Variants in RNF44 observed in about 807,000 individuals in gnomAD.
The protein encoded by RNF44 is ring finger protein 44.
Under a neutral mutation model 53.6 loss-of-function variants are expected in RNF44, and 25 were observed. The observed-to-expected ratio is 0.47, with a 90% CI of 0.34 to 0.65. RNF44 has a LOEUF of 0.65. Ranked by LOEUF, RNF44 falls within the 30% of genes least tolerant of loss-of-function variation. The pLI, the probability that RNF44 is intolerant of heterozygous loss-of-function variation, is 0.01. For synonymous variants in RNF44, 282 were observed against 252.2 expected, an observed-to-expected ratio of 1.12 and a Z score of -1.12; for missense variants, 581 against 595.5, an observed-to-expected ratio of 0.98 and a Z score of 0.25.
upstream of RNF44, among the ~76,000 whole-genome samples, chr5:176,539,455 C>T (rs1757395079): frequency 1.3e-5 from 2 of 152,140 alleles, no homozygotes; most frequent in Admixed American, 6.5e-5. Context: ...TTTGGGAGAT[C>T]CAGGCGGGCA....
chr5:176,532,955 T>G (rs1010903833), intron 1 of RNF44, among the ~76,000 whole-genome samples: 20 of 152,070 alleles, frequency 1.3e-4, no homozygotes, highest in Non-Finnish European at 2.4e-4. Context: ...ACCCTCCTGC[T>G]GTGTGAAATG....
chr5:176,530,084 G>C lies in RNF44; in HGVS notation c.924C>G (p.Phe308Leu). 1.6e-6 allele frequency: 2 copies of C among 1,216,262 alleles called. No homozygotes were observed. Among genetic ancestry groups the C allele is most frequent in the Non-Finnish European group, 2.1e-6 (2 of 963,088 alleles). 75.3% of individuals were successfully genotyped at this position (1,216,262 alleles called of 1,614,324 possible). A position where few individuals can be genotyped will look rare whatever the true frequency, so the allele number is the denominator to read the frequency against. The change falls in exon 7 of 11, where the codon TTC (phenylalanine) becomes TTG (leucine). Residue 308 changes from phenylalanine (F) to leucine (L), a missense_variant and splice_region_variant. This residue lies in a region of RNF44 where 183 missense variants were observed against 198.6 expected (regional missense o/e 0.92). Transcript: ENST00000274811. The part of the protein sequence containing the change: ...PPYYPSFLPY[F>L]LSMLPMSPTA... ...GGGGCGGATGTGCGGATACTTACAG[G>C]AAGTAGGGCAGGAAGCTGGGGTAGT...
chr5:176,543,071 G>T, the RNF44 span, among the ~76,000 whole-genome samples: 2 of 151,826 alleles, frequency 1.3e-5, no homozygotes, highest in African/African-American at 4.8e-5. The surrounding 1 kb of genome is among the most constrained non-coding windows in gnomAD (Gnocchi z 4.0). Context: ...CCTAGCGGAC[G>T]GGGAGAAGAG....
upstream of RNF44, chr5:176,538,114 C>CG (rs1464093456): frequency 3.1e-4 from 47 of 152,158 alleles, 1 homozygote; most frequent in Non-Finnish European, 1.9e-4. Context: ...GGAAGAGAGG[C>CG]GGGGAACAGG....
chr5:176,531,713 T>C lies in RNF44; in HGVS notation c.298-83A>G. On this transcript the variant is annotated intron_variant, in intron 3 of 10. Coordinates refer to ENST00000274811, the MANE Select transcript of RNF44 (RefSeq NM_014901.5). The surrounding 1 kb of genome is among the most constrained non-coding windows in gnomAD (Gnocchi z 4.2). ...TCTCAGGAGAAATCATCCTGCCACA[T>C]CCAGCTGCCGGCTCCCTTCCCTTCT... The C allele has an allele frequency of 1.4e-6, 2 of 1,385,214 alleles. No individual in the cohort carries two copies. Among genetic ancestry groups the C allele is most frequent in the South Asian group, 2.8e-5 (2 of 72,578 alleles). The allele number at this position is 1,385,214 out of a possible 1,614,324, so 85.8% of individuals were successfully genotyped here.
At chr5:176,536,263 C>T (rs1757162709) in intron 1 of RNF44, 1 of 152,266 alleles carries the variant, frequency 6.6e-6, no homozygotes, top group African/African-American at 2.4e-5. Context: ...CAAGGAAATC[C>T]CTTTGCTTCT....
At chr5:176,536,484 T>C (rs1431766627) in intron 1 of RNF44, among the ~76,000 whole-genome samples, 1 of 151,940 alleles carries the variant, frequency 6.6e-6, no homozygotes, top group Non-Finnish European at 1.5e-5. Flanking sequence ...TCCCCAGGCA[T>C]AGTGCTGGGG....
Position 176,530,900 on chromosome 5 carries a change from TGGGTGGGCTGGGG to T in RNF44, c.574_586del (p.Pro192ThrfsTer77). 3.1e-5 allele frequency: 3 copies of T among 96,156 alleles called. No individual in the cohort carries two copies. The highest frequency in any genetic ancestry group is 5.6e-5 in the Non-Finnish European group (3 of 53,190). 6.0% of individuals were successfully genotyped at this position (96,156 alleles called of 1,614,324 possible). ...CACAAACTGCCCCAGGGGCGCCATG[TGGGTGGGCTGGGG>T]GGGTGGGGCCGGTGGTGGGGGGTGC... On this transcript the variant is annotated frameshift_variant, in exon 5 of 11. Coordinates refer to ENST00000274811, the MANE Select transcript of RNF44 (RefSeq NM_014901.5). LOFTEE classifies it high-confidence loss of function.
chr5:176,529,454 C>A, intron 9 of RNF44, 67 bp from the exon 10 acceptor site: 2 of 1,606,944 alleles, frequency 1.2e-6, no homozygotes, highest in East Asian at 4.5e-5. Flanking sequence ...GAGTGTGACT[C>A]CCCTGAGAGG....
In RNF44 at chr5:176,527,096, C is replaced by T. The variant is rs1173455177; in HGVS notation, c.*1932G>A. On this transcript the variant is annotated 3_prime_UTR_variant, in exon 11 of 11. Coordinates refer to ENST00000274811, the MANE Select transcript of RNF44 (RefSeq NM_014901.5). ...TATGTAATTTTATATATATATAAAA[C>T]CTTTCTAACACAGAACACAGGCGCT... is the stretch of plus-strand genomic sequence containing the variant. The T allele has an allele frequency of 1.3e-5, 2 of 152,088 alleles. No individual in the cohort carries two copies. Among genetic ancestry groups the T allele is most frequent in the Non-Finnish European group, 2.9e-5 (2 of 68,002 alleles). The allele number at this position is 152,088 out of a possible 1,614,324, so 9.4% of individuals were successfully genotyped here.
upstream of RNF44, among the ~76,000 whole-genome samples, chr5:176,541,202 G>T (rs554434059): frequency 5.5e-4 from 84 of 152,284 alleles, no homozygotes; most frequent in African/African-American, 1.9e-3. Context: ...GGGGAAATGG[G>T]GGTCCTAGAG....
In RNF44 at chr5:176,531,386, G is replaced by T; in HGVS notation, c.465+77C>A. On this transcript the variant is annotated intron_variant, in intron 4 of 10. Coordinates refer to ENST00000274811, the MANE Select transcript of RNF44 (RefSeq NM_014901.5). This position sits in a 1 kb window ranked among gnomAD's most constrained non-coding sequence, Gnocchi z 4.2. ...GGATAGCTCAGCCCAGTTCAGGGCT[G>T]CCCTGGGCCCGCTGAGCCGCTGGCC... 1 of 1,431,638 alleles carries T rather than the reference G, an allele frequency of 7.0e-7. No homozygotes were observed. The allele number at this position is 1,431,638 out of a possible 1,614,324, so 88.7% of individuals were successfully genotyped here.
At chr5:176,534,799 G>A (rs1245326210) in intron 1 of RNF44, among the ~76,000 whole-genome samples, 2 of 152,234 alleles carry the variant, frequency 1.3e-5, no homozygotes, top group Non-Finnish European at 2.9e-5. Context: ...GGCTCAGAGA[G>A]GTGAGGTCCA....
At chr5:176,533,096 C>T (rs931728420) in intron 1 of RNF44, among the ~76,000 whole-genome samples, 1 of 152,196 alleles carries the variant, frequency 6.6e-6, no homozygotes, top group Non-Finnish European at 1.5e-5. Context: ...TAGGGCCAGA[C>T]CTTTCTCTGC....
At chr5:176,530,508 C>G (rs979783925) in intron 6 of RNF44, 74 bp downstream of exon 6, 52 of 1,341,576 alleles carry the variant, frequency 3.9e-5, no homozygotes, top group Non-Finnish European at 4.9e-5. Flanking sequence ...CCTGGGAGCC[C>G]AGATGCAGGT....
At chr5:176,529,237 C>T (rs771284845) in intron 10 of RNF44, 51 bp downstream of exon 10, 4 of 1,564,916 alleles carry the variant, frequency 2.6e-6, no homozygotes, top group South Asian at 2.2e-5. Flanking sequence ...GCCAGCCCAT[C>T]CCCCCGTCAC....
In RNF44 at chr5:176,532,499, G is replaced by A. The variant is rs560638499; in HGVS notation, c.-27C>T. The A allele has an allele frequency of 4.4e-5, 68 of 1,537,154 alleles. No individual in the cohort carries two copies. The African/African-American group carries it at 8.9e-4, about 20-fold the overall frequency. The stretch of plus-strand genomic sequence containing the variant: ...GGGGGGGCAGGGGGGTGGAGGGGCT[G>A]GGCCGGGACTCACAACCCTAGGAGG... On this transcript the variant is annotated 5_prime_UTR_variant, in exon 2 of 11. Coordinates refer to ENST00000274811, the MANE Select transcript of RNF44 (RefSeq NM_014901.5).
Position 176,528,927 on chromosome 5 carries a change from AG to A in RNF44, c.*100del. The A allele has an allele frequency of 8.9e-7, 1 of 1,122,872 alleles. No homozygotes were observed. The allele number at this position is 1,122,872 out of a possible 1,614,324, so 69.6% of individuals were successfully genotyped here. On this transcript the variant is annotated 3_prime_UTR_variant, in exon 11 of 11. Coordinates refer to ENST00000274811, the MANE Select transcript of RNF44 (RefSeq NM_014901.5). ...GCTCTGGAAATGCAGGCAGGAGCGA[AG>A]GGGCAGGCCTGGGCCACTCCCTCCC...
In RNF44 at chr5:176,527,479, C is replaced by T. The variant is rs1253758701; in HGVS notation, c.*1549G>A. 1.3e-5 allele frequency: 2 copies of T among 152,456 alleles called. No homozygotes were observed. The highest frequency in any genetic ancestry group is 2.9e-5 in the Non-Finnish European group (2 of 68,028). The allele number at this position is 152,456 out of a possible 1,614,324, so 9.4% of individuals were successfully genotyped here. On this transcript the variant is annotated 3_prime_UTR_variant, in exon 11 of 11. Transcript: ENST00000274811. The stretch of plus-strand genomic sequence containing the variant: ...GGAGAGGGTGGTTCTGTGTAAAACA[C>T]GTGGGTTTTCAACACTGCTATAAAT...
Sources: allele counts gnomAD v4.1 joint callset (sites outside exome capture counted in the v4.1 genomes callset), GRCh38; gene constraint gnomAD v4.1.1; regional missense constraint gnomAD v4.1.1; non-coding constraint Gnocchi (gnomAD v3.1); transcripts MANE v1.5; gene names NCBI Gene and HGNC (gene_info 2026-07-23, HGNC 2026-07-21).